The following PRKACB variants were observed in gnomAD, a reference collection of about 807,000 sequenced individuals.
PRKACB encodes the protein protein kinase cAMP-activated catalytic subunit beta, also known as cAMP-dependent protein kinase catalytic subunit beta.
A neutral mutation model predicts 51.4 loss-of-function variants in PRKACB; 16 were observed. The observed-to-expected ratio is 0.31, with a 90% CI of 0.21 to 0.47. The LOEUF is 0.47. Among genes scored for constraint, PRKACB ranks in the 20% least tolerant of loss-of-function variants. The pLI is 1.00. For missense variants in PRKACB, 309 were observed against 464.5 expected, an observed-to-expected ratio of 0.67 and a Z score of 3.08; for synonymous variants, 147 against 154.4, an observed-to-expected ratio of 0.95 and a Z score of 0.35.
Position 84,237,864 on chromosome 1 carries a change from C to T in PRKACB, c.*2559C>T, listed in dbSNP as rs1676792699. The T allele has an allele frequency of 6.6e-6, 1 of 152,164 alleles. No individual in the cohort carries two copies. The highest frequency in any genetic ancestry group is 1.5e-5 in the Non-Finnish European group (1 of 67,996). 9.4% of individuals were successfully genotyped at this position (152,164 alleles called of 1,614,324 possible). A position where few individuals can be genotyped will look rare whatever the true frequency, so the allele number is the denominator to read the frequency against. Reference sequence around the variant, plus strand: ...GGCTGGAAAACTATCAGTATGATCTCAGCCTCAGTTCTCTTGTCTGTAAAA... The same window carrying T: ...GGCTGGAAAACTATCAGTATGATCTTAGCCTCAGTTCTCTTGTCTGTAAAA... On this transcript the variant is annotated 3_prime_UTR_variant, in exon 10 of 10. Transcript: ENST00000370685.
At chr1:84,159,519 AT>A (rs1229534770) in intron 1 of PRKACB, among the ~76,000 whole-genome samples, 1 of 151,950 alleles carries the variant, frequency 6.6e-6, no homozygotes, top group African/African-American at 2.4e-5. Context: ...ATTCCTTATA[AT>A]TTTCTACATA....
At chr1:84,184,636 C>G (rs1036326864) in intron 4 of PRKACB, among the ~76,000 whole-genome samples, 2 of 151,882 alleles carry the variant, frequency 1.3e-5, no homozygotes, top group African/African-American at 4.8e-5. Context: ...ACTGGCATCT[C>G]TCTGCAATAT....
intron 9 of PRKACB, among the ~76,000 whole-genome samples, chr1:84,229,550 A>C (rs1199838183): frequency 6.7e-6 from 1 of 148,362 alleles, no homozygotes; most frequent in African/African-American, 2.5e-5. Flanking sequence ...TCCCACCAAC[A>C]GTGTAAAAGT....
chr1:84,198,390 G>A (rs1237054769), intron 7 of PRKACB, among the ~76,000 whole-genome samples: 2 of 152,018 alleles, frequency 1.3e-5, no homozygotes, highest in African/African-American at 4.8e-5. Flanking sequence ...GCCATCACTT[G>A]GTGGAGAAAT....
intron 1 of PRKACB, among the ~76,000 whole-genome samples, chr1:84,118,986 G>A (rs891622757): frequency 6.6e-6 from 1 of 152,152 alleles, no homozygotes; most frequent in Non-Finnish European, 1.5e-5. Context: ...AAACAGAAAG[G>A]AAATAATTTT....
intron 1 of PRKACB, among the ~76,000 whole-genome samples, chr1:84,171,617 C>T (rs1439332027): frequency 2.0e-5 from 3 of 151,604 alleles, no homozygotes; most frequent in Non-Finnish European, 3.0e-5. Context: ...GATACATTTT[C>T]TCTGAAGTTG....
At chr1:84,166,289 ACC>A (rs1657449020) in intron 1 of PRKACB, among the ~76,000 whole-genome samples, 1 of 151,740 alleles carries the variant, frequency 6.6e-6, no homozygotes, top group African/African-American at 2.4e-5. Context: ...AACTGAATAT[ACC>A]TGGTTGTCAT....
intron 1 of PRKACB, among the ~76,000 whole-genome samples, chr1:84,093,778 C>G (rs1648709172): frequency 6.6e-6 from 1 of 151,764 alleles, no homozygotes; most frequent in Non-Finnish European, 1.5e-5. Flanking sequence ...TATTCTGTAA[C>G]TTCTTTTAGT....
At chr1:84,133,125 G>A (rs1398699545) in intron 1 of PRKACB, among the ~76,000 whole-genome samples, 1 of 152,054 alleles carries the variant, frequency 6.6e-6, no homozygotes, top group Admixed American at 6.6e-5. Context: ...CTTGGAAGAA[G>A]CAAGAGCTTG....
At chr1:84,126,076 TG>T (rs2100908219) in intron 1 of PRKACB, among the ~76,000 whole-genome samples, 1 of 1,846 alleles carries the variant, frequency 5.4e-4, no homozygotes, top group East Asian at 0.011. Flanking sequence ...GGAAGCTTCC[TG>T]GGGGGTGGGG....
At chr1:84,122,369 C>T (rs1379223000) in intron 1 of PRKACB, among the ~76,000 whole-genome samples, 1 of 152,122 alleles carries the variant, frequency 6.6e-6, no homozygotes, top group Non-Finnish European at 1.5e-5. Context: ...AAATCTTATA[C>T]TCAATTGAGC....
rs536133472 is a variant in PRKACB at position 84,178,903 on chromosome 1, T to C, written c.188-274T>C. The C allele has an allele frequency of 9.9e-5, 21 of 212,232 alleles. No homozygotes were observed. The South Asian group carries it at 2.9e-3, about 30-fold the overall frequency. The allele number at this position is 212,232 out of a possible 1,614,324, so 13.1% of individuals were successfully genotyped here. Reference sequence around the variant, plus strand: ...AATTTCTGACTTTCTTACATTACTTTCTAGTATGTTTTCAGGAACAGAATT... The same window carrying C: ...AATTTCTGACTTTCTTACATTACTTCCTAGTATGTTTTCAGGAACAGAATT... On this transcript the variant is annotated intron_variant, in intron 1 of 9. Coordinates refer to ENST00000370685, the MANE Select transcript of PRKACB (RefSeq NM_182948.4).
chr1:84,088,645 C>G (rs1472328054), intron 1 of PRKACB, among the ~76,000 whole-genome samples: 1 of 152,130 alleles, frequency 6.6e-6, no homozygotes, highest in Non-Finnish European at 1.5e-5. Flanking sequence ...AGAATATGAG[C>G]CTCACTTTAG....
chr1:84,121,549 A>G (rs943098316), intron 1 of PRKACB, among the ~76,000 whole-genome samples: 1 of 152,176 alleles, frequency 6.6e-6, no homozygotes, highest in Admixed American at 6.5e-5. Context: ...GTGCCACTCC[A>G]TTAGCACCTG....
intron 9 of PRKACB, among the ~76,000 whole-genome samples, chr1:84,233,290 G>A (rs1405648359): frequency 2.6e-5 from 4 of 151,914 alleles, no homozygotes; most frequent in African/African-American, 9.7e-5. Flanking sequence ...TCCGCTGTTA[G>A]TCTGATGGGC....
chr1:84,200,607 A>G (rs1299837430), intron 7 of PRKACB, among the ~76,000 whole-genome samples: 1 of 146,716 alleles, frequency 6.8e-6, no homozygotes, highest in Non-Finnish European at 1.5e-5. Flanking sequence ...CAAGGTTTTT[A>G]TACTCCGGGG....
At chr1:84,193,454 A>G (rs1433301535) in intron 5 of PRKACB, among the ~76,000 whole-genome samples, 3 of 152,234 alleles carry the variant, frequency 2.0e-5, no homozygotes, top group African/African-American at 7.2e-5. Context: ...TTACAATGCA[A>G]GGTATCCACA....
intron 1 of PRKACB, among the ~76,000 whole-genome samples, chr1:84,132,838 G>GA (rs1387871897): frequency 6.6e-6 from 1 of 151,842 alleles, no homozygotes; most frequent in East Asian, 1.9e-4. Context: ...AATATAAAGA[G>GA]AAAAAATAAT....
At chr1:84,140,932 T>A (rs542193486), upstream of PRKACB, among the ~76,000 whole-genome samples, 8 of 152,262 alleles carry the variant, frequency 5.3e-5, no homozygotes, top group African/African-American at 1.9e-4. Context: ...TGCTGCTTAC[T>A]TTATTTGTAA....
Sources: gnomAD v4.1 joint callset for allele counts (sites outside exome capture counted in the v4.1 genomes callset) on GRCh38, gnomAD v4.1.1 for gene constraint, MANE v1.5 for transcripts, NCBI Gene and HGNC (gene_info 2026-07-23, HGNC 2026-07-21) for gene names.